The following CHD9 variants were observed in gnomAD, a reference collection of about 807,000 sequenced individuals.
CHD9 encodes the protein chromodomain helicase DNA binding protein 9.
Under a neutral mutation model 316.1 loss-of-function variants are expected in CHD9, and 77 were observed. The observed-to-expected ratio is 0.24, with a 90% CI of 0.20 to 0.29. CHD9 has a LOEUF of 0.29. Among genes scored for constraint, CHD9 ranks in the 10% least tolerant of loss-of-function variants. CHD9 has a pLI of 1.00. For synonymous variants in CHD9, 1,129 were observed against 1,158.3 expected (o/e 0.97, Z 0.51); for missense variants, 2,763 against 3,438.1 (o/e 0.80, Z 4.91).
At chr16:53,220,385 T>C (rs1233308903) in intron 3 of CHD9, among the ~76,000 whole-genome samples, 3 of 152,186 alleles carry the variant, frequency 2.0e-5, no homozygotes, top group Non-Finnish European at 2.9e-5. Context: ...AGTCATCCAG[T>C]CAATAACCAA....
At chr16:53,147,991 G>A (rs2040772388) in intron 1 of CHD9, among the ~76,000 whole-genome samples, 2 of 152,030 alleles carry the variant, frequency 1.3e-5, no homozygotes, top group South Asian at 4.2e-4. Context: ...ATCACCTGAG[G>A]TCAGGAGTTC....
At chr16:53,140,411 T>A (rs1205562170) in intron 1 of CHD9, among the ~76,000 whole-genome samples, 3 of 131,502 alleles carry the variant, frequency 2.3e-5, no homozygotes, top group African/African-American at 8.9e-5. Flanking sequence ...AGCACAACTC[T>A]GTCTCAAAAA....
chr16:53,296,865 G>A (rs2054857286), intron 29 of CHD9, 91 bp from the exon 30 acceptor site: 1 of 839,924 alleles, frequency 1.2e-6, no homozygotes, highest in South Asian at 1.7e-5. Flanking sequence ...TACTTGAAAT[G>A]TTTTAAGTTT....
At chr16:53,238,691 C>A in intron 12 of CHD9, 105 bp downstream of exon 12, 1 of 1,131,244 alleles carries the variant, frequency 8.8e-7, no homozygotes, top group African/African-American at 1.6e-5. Flanking sequence ...TAATTGCCTA[C>A]CTAGATCTTA....
chr16:53,207,918 T>C (rs560850109), intron 2 of CHD9: 2 of 400,986 alleles, frequency 5.0e-6, no homozygotes, highest in African/African-American at 4.4e-5. Context: ...TCTAATGGAA[T>C]AATAACTGGT....
At chr16:53,083,341 T>C (rs532741770) in intron 1 of CHD9, among the ~76,000 whole-genome samples, 2 of 152,338 alleles carry the variant, frequency 1.3e-5, no homozygotes, top group East Asian at 3.9e-4. Context: ...TCTCCTCTTA[T>C]CGTCTCCTTC....
At position 53,245,231 on chromosome 16, in the gene CHD9, A is replaced by G. The variant is rs762248000; in HGVS notation, c.3055-105A>G. 6.0e-5 allele frequency: 47 copies of G among 784,600 alleles called. No homozygotes were observed. The highest frequency in any genetic ancestry group is 8.7e-5 in the Non-Finnish European group (45 of 517,854). The allele number at this position is 784,600 out of a possible 1,614,324, so 48.6% of individuals were successfully genotyped here. A position where few individuals can be genotyped will look rare whatever the true frequency, so the allele number is the denominator to read the frequency against. On this transcript the variant is annotated intron_variant, in intron 13 of 38. Coordinates refer to ENST00000447540, the MANE Select transcript of CHD9 (RefSeq NM_001308319.2). The surrounding 1 kb of genome is among the most constrained non-coding windows in gnomAD (Gnocchi z 4.1). ...ACACATAACATATATATATGTATATATAGTCAGAAAAATATTTGCATATTG... is the reference window on the plus strand; with the variant it reads ...ACACATAACATATATATATGTATATGTAGTCAGAAAAATATTTGCATATTG...
At chr16:53,221,626 A>G (rs886355143) in intron 3 of CHD9, among the ~76,000 whole-genome samples, 2 of 152,188 alleles carry the variant, frequency 1.3e-5, no homozygotes, top group African/African-American at 4.8e-5. Flanking sequence ...AGATAGCTCC[A>G]TCTGGTGTGT....
intron 3 of CHD9, among the ~76,000 whole-genome samples, chr16:53,219,969 G>T (rs1359939286): frequency 1.3e-5 from 2 of 152,192 alleles, no homozygotes; most frequent in Non-Finnish European, 2.9e-5. Context: ...GAATGAAACG[G>T]AAATGACTCT....
chr16:53,146,791 G>A (rs1351038148), intron 1 of CHD9, among the ~76,000 whole-genome samples: 2 of 133,374 alleles, frequency 1.5e-5, no homozygotes, highest in South Asian at 2.5e-4. Flanking sequence ...AGAGTGAGAC[G>A]GTCTCAAAAA....
chr16:53,227,866 A>C (rs779980575), intron 7 of CHD9, among the ~76,000 whole-genome samples: 3 of 152,042 alleles, frequency 2.0e-5, no homozygotes, highest in African/African-American at 4.8e-5. Context: ...CGGTCATATC[A>C]CGAGGTGAAG....
chr16:53,161,976 A>G (rs1387757335), intron 2 of CHD9, among the ~76,000 whole-genome samples: 1 of 151,824 alleles, frequency 6.6e-6, no homozygotes, highest in Non-Finnish European at 1.5e-5. Flanking sequence ...CTGGTCTCGA[A>G]CTCCTGAGCT....
At chr16:53,198,101 C>T (rs4784298) in intron 2 of CHD9, among the ~76,000 whole-genome samples, 73,811 of 151,752 alleles carry the variant, frequency 0.49, 18,669 homozygotes, top group African/African-American at 0.6. Flanking sequence ...GTTTTTCCAT[C>T]TTTAGAGCCT....
rs374495453 is a variant in CHD9, at chr16:53,292,830, T to C, written c.5291-3T>C. On this transcript the variant is annotated splice_region_variant and splice_polypyrimidine_tract_variant and intron_variant, in intron 28 of 38. Coordinates refer to ENST00000447540, the MANE Select transcript of CHD9 (RefSeq NM_001308319.2). Reference sequence around the variant, plus strand: ...ATTATTACTATTACTTATTTAACTATAGATGGTCAACTGATGGAGGGTGAT... The same window carrying C: ...ATTATTACTATTACTTATTTAACTACAGATGGTCAACTGATGGAGGGTGAT... 2 of 1,610,138 alleles carry C rather than the reference T, an allele frequency of 1.2e-6. No individual in the cohort carries two copies. The highest frequency in any genetic ancestry group is 1.3e-5 in the African/African-American group (1 of 74,848).
At position 53,247,326 on chromosome 16, in the gene CHD9, A is replaced by C. The variant is rs925761408; in HGVS notation, c.3488A>C (p.Asp1163Ala). 10 of 1,604,054 alleles carry C rather than the reference A, an allele frequency of 6.2e-6. No individual in the cohort carries two copies. Among genetic ancestry groups the C allele is most frequent in the South Asian group, 3.4e-5 (3 of 89,118 alleles). ...AEEKILGEFR[D>A]TYNPAASDFH... ...GAGAAAATACTTGGAGAATTTAGAGATACTTACAATCCAGCTGCTTCTGAT... is the reference window on the plus strand; with the variant it reads ...GAGAAAATACTTGGAGAATTTAGAGCTACTTACAATCCAGCTGCTTCTGAT... The change falls in exon 16 of 39, where the codon GAT (aspartate) becomes GCT (alanine). Residue 1163 changes from aspartate to alanine, a missense_variant. This residue lies in a region of CHD9 where 155 missense variants were observed against 291.8 expected (regional missense o/e 0.53). Transcript: ENST00000447540.
chr16:53,085,331 C>G (rs934139630), intron 1 of CHD9, among the ~76,000 whole-genome samples: 47 of 151,994 alleles, frequency 3.1e-4, no homozygotes, highest in African/African-American at 1.1e-3. Flanking sequence ...ACCTAGAGCA[C>G]TGGGATTACC....
intron 1 of CHD9, among the ~76,000 whole-genome samples, chr16:53,107,506 A>AATAAAATAAAAAAT (rs2037462518): frequency 6.7e-6 from 1 of 149,220 alleles, no homozygotes. Flanking sequence ...AATAAAATAA[A>AATAAAATAAAAAAT]ATAAAATATA....
chr16:53,324,831 C>A lies in CHD9; in HGVS notation c.8630C>A (p.Ala2877Asp), dbSNP rs760640038. The A allele has an allele frequency of 1.9e-6, 3 of 1,612,212 alleles. No homozygotes were observed. In the South Asian group the frequency reaches 3.3e-5, roughly 18 times the overall value. ...GATGAGGGTTCAGAGAAAGCTGATG[C>A]TTCATCTGGATCTGATAGTACATCG... ...STDEGSEKAD[A>D]SSGSDSTSSS... is the part of the protein sequence containing the mutation. The change falls in exon 39 of 39, where the codon GCT becomes GAT. Residue 2877 changes from alanine (A) to aspartate (D), a missense_variant. Ala to Asp is a moderately radical substitution (Grantham distance 126). Transcript: ENST00000447540.
At chr16:53,233,134 G>T (rs1001541117) in intron 10 of CHD9, among the ~76,000 whole-genome samples, 4 of 152,128 alleles carry the variant, frequency 2.6e-5, no homozygotes, top group African/African-American at 9.7e-5. Context: ...TGAGGGTTCA[G>T]TCCCACAAGA....
Sources: gnomAD v4.1 joint callset for allele counts (sites outside exome capture counted in the v4.1 genomes callset) on GRCh38, gnomAD v4.1.1 for gene constraint, gnomAD v4.1.1 regional missense constraint, Gnocchi (gnomAD v3.1) non-coding constraint, MANE v1.5 for transcripts, NCBI Gene and HGNC (gene_info 2026-07-23, HGNC 2026-07-21) for gene names.